TRDMT1: variants seen among roughly 807,000 people sequenced by gnomAD.
TRDMT1 encodes the protein tRNA (cytosine(38)-C(5))-methyltransferase.
TRDMT1 carries 49 observed loss-of-function variants against 51.2 expected under a neutral mutation model. The observed-to-expected ratio is 0.96, with a 90% confidence interval of 0.76 to 1.21. TRDMT1 has a LOEUF of 1.21. Among genes scored for constraint, TRDMT1 ranks in the 50% most tolerant of loss-of-function variants. TRDMT1 has a pLI of 0.00. For synonymous variants in TRDMT1, 187 were observed against 164.6 expected (o/e 1.14, Z -1.04); for missense variants, 534 against 462.3 (o/e 1.16, Z -1.42).
intron 1 of TRDMT1, among the ~76,000 whole-genome samples, chr10:17,195,664 T>A (rs984771673): frequency 4.6e-5 from 7 of 152,162 alleles, no homozygotes. Context: ...AAGCACACAT[T>A]ATTCCTCACA....
chr10:17,149,569 C>T (rs142102236), intron 10 of TRDMT1, among the ~76,000 whole-genome samples: 3 of 152,172 alleles, frequency 2.0e-5, no homozygotes, highest in African/African-American at 7.2e-5. Flanking sequence ...CTGAGTTTTT[C>T]AAATATCTCC....
At chr10:17,183,992 C>CA in intron 1 of TRDMT1, among the ~76,000 whole-genome samples, 1 of 152,028 alleles carries the variant, frequency 6.6e-6, no homozygotes, top group South Asian at 2.1e-4. Context: ...CAACAATAAT[C>CA]AAAAGAAAAA....
chr10:17,151,019 G>A (rs1283040128), intron 10 of TRDMT1: 5 of 976,698 alleles, frequency 5.1e-6, no homozygotes, highest in Non-Finnish European at 6.1e-6. Flanking sequence ...GTGTGTGTGT[G>A]TGCGTGCATC....
intron 10 of TRDMT1, 157 bp downstream of exon 10, chr10:17,153,350 G>C: frequency 1.2e-6 from 1 of 813,066 alleles, no homozygotes; most frequent in South Asian, 1.8e-5. Flanking sequence ...CAGTTATGAG[G>C]GGAAAGAGGG....
chr10:17,178,082 T>C (rs1401203162), intron 1 of TRDMT1, among the ~76,000 whole-genome samples: 3 of 152,198 alleles, frequency 2.0e-5, no homozygotes, highest in African/African-American at 7.2e-5. Flanking sequence ...GAAAGAAATT[T>C]TTAAAATTCT....
At chr10:17,153,872 T>C (rs147559480) in intron 9 of TRDMT1, among the ~76,000 whole-genome samples, 1 of 152,302 alleles carries the variant, frequency 6.6e-6, no homozygotes, top group Non-Finnish European at 1.5e-5. Context: ...TTTCAGGGTG[T>C]CTGTCATTTT....
chr10:17,161,691 A>G (rs906807666), intron 4 of TRDMT1, 143 bp from the exon 5 acceptor site: 41 of 490,452 alleles, frequency 8.4e-5, no homozygotes, highest in South Asian at 5.1e-4. Context: ...TGGAGACAAC[A>G]TATATTTTAT....
chr10:17,148,286 C>A lies in TRDMT1; in HGVS notation c.*754G>T. 1.0e-6 allele frequency: 1 copy of A among 985,420 alleles called. No homozygotes were observed. Among genetic ancestry groups the A allele is most frequent in the Admixed American group, 6.1e-5 (1 of 16,280 alleles). 61.0% of individuals were successfully genotyped at this position (985,420 alleles called of 1,614,324 possible). Reference sequence around the variant, plus strand: ...TGAAATCTTAACGTCATGCTACATTCCTCAGCGTGCAAAGGCAAATTCAAC... The same window carrying A: ...TGAAATCTTAACGTCATGCTACATTACTCAGCGTGCAAAGGCAAATTCAAC... On this transcript the variant is annotated 3_prime_UTR_variant, in exon 11 of 11. Coordinates refer to ENST00000377799, the MANE Select transcript of TRDMT1 (RefSeq NM_004412.7).
Position 17,143,983 on chromosome 10 carries a change from C to T in TRDMT1, c.*5057G>A. 1 of 985,328 alleles carries T rather than the reference C, an allele frequency of 1.0e-6. No homozygotes were observed. The allele number at this position is 985,328 out of a possible 1,614,324, so 61.0% of individuals were successfully genotyped here. On this transcript the variant is annotated 3_prime_UTR_variant, in exon 11 of 11. Transcript: ENST00000377799. ...TTAAAAATGTCCCAGCATGAAGATT[C>T]TAGAATAGGACTTAGGAAAACAGCA...
intron 2 of TRDMT1, chr10:17,171,799 T>C (rs1842056202): frequency 6.6e-6 from 1 of 152,542 alleles, no homozygotes; most frequent in Admixed American, 6.5e-5. Context: ...ATTCCTGGGT[T>C]TTCTACTTTG....
chr10:17,167,529 A>C (rs76202583), intron 3 of TRDMT1, among the ~76,000 whole-genome samples: 1 of 152,264 alleles, frequency 6.6e-6, no homozygotes, highest in East Asian at 1.9e-4. Context: ...TTTCATTTAA[A>C]ATAATCCAAA....
chr10:17,200,604 T>C (rs1474044707), intron 1 of TRDMT1: 1 of 166,476 alleles, frequency 6.0e-6, no homozygotes, highest in Non-Finnish European at 1.5e-5. Context: ...AGAATAAACA[T>C]GCACCTTCAA....
intron 1 of TRDMT1, among the ~76,000 whole-genome samples, chr10:17,193,763 C>A (rs534473551): frequency 6.6e-6 from 1 of 152,116 alleles, no homozygotes; most frequent in South Asian, 2.1e-4. Flanking sequence ...CAGTGCTATT[C>A]CTGTCAAACT....
chr10:17,160,433 A>C (rs1477231962), intron 5 of TRDMT1, 59 bp from the exon 6 acceptor site: 2 of 1,176,396 alleles, frequency 1.7e-6, no homozygotes, highest in Non-Finnish European at 2.4e-6. Context: ...TTATTTAAAT[A>C]ATGTACACAA....
chr10:17,201,481 T>TCCGCCCCAA, intron 1 of TRDMT1, 90 bp downstream of exon 1: 3 of 1,373,268 alleles, frequency 2.2e-6, no homozygotes, highest in Non-Finnish European at 3.0e-6. Flanking sequence ...GTCCGCCCCT[T>TCCGCCCCAA]GCGTCTCGCC....
intron 5 of TRDMT1, 67 bp from the exon 6 acceptor site, chr10:17,160,441 C>A: frequency 1.8e-6 from 2 of 1,099,374 alleles, no homozygotes; most frequent in South Asian, 1.8e-5. Flanking sequence ...ATAATGTACA[C>A]AAAAGCTGGG....
rs1453538538 is a variant in TRDMT1, at chr10:17,201,614, C to T, written c.21G>A (p.Leu7=). The T allele has an allele frequency of 1.4e-5, 21 of 1,546,710 alleles. No individual in the cohort carries two copies. The highest frequency in any genetic ancestry group is 1.8e-5 in the Non-Finnish European group (21 of 1,145,294). ...TGCCGCCCACGCCGCTGTATAGCTCCAGCACCCGCAGGGGCTCCATCCCCG... is the reference window on the plus strand; with the variant it reads ...TGCCGCCCACGCCGCTGTATAGCTCTAGCACCCGCAGGGGCTCCATCCCCG... MEPLRV[L]ELYSGVGGMH... The change falls in exon 1 of 11, where the codon CTG becomes CTA. Residue 7 remains leucine, a synonymous_variant. Coordinates refer to ENST00000377799, the MANE Select transcript of TRDMT1 (RefSeq NM_004412.7).
At chr10:17,154,765 C>T in intron 8 of TRDMT1, 31 bp from the exon 9 acceptor site, 1 of 1,576,644 alleles carries the variant, frequency 6.3e-7, no homozygotes, top group South Asian at 1.2e-5. Context: ...TTATGCAGCA[C>T]CTGATGTATG....
intron 2 of TRDMT1, among the ~76,000 whole-genome samples, chr10:17,171,307 T>G (rs752071920): frequency 6.6e-6 from 1 of 152,168 alleles, no homozygotes; most frequent in Non-Finnish European, 1.5e-5. Context: ...AAGACACTGA[T>G]GACACCTGAA....
Sources: gnomAD v4.1 joint callset for allele counts (sites outside exome capture counted in the v4.1 genomes callset) on GRCh38, gnomAD v4.1.1 for gene constraint, MANE v1.5 for transcripts, NCBI Gene and HGNC (gene_info 2026-07-23, HGNC 2026-07-21) for gene names.